PPARGC1A: variants seen among roughly 807,000 people sequenced by gnomAD.
PPARGC1A encodes the protein peroxisome proliferator-activated receptor gamma coactivator 1-alpha.
In PPARGC1A, 25 loss-of-function variants were observed where a neutral mutation model predicts 88.7. The observed-to-expected ratio is 0.28, with a 90% CI of 0.21 to 0.39. The LOEUF (loss-of-function observed/expected upper bound fraction) is 0.39. PPARGC1A is among the 10% of genes least tolerant of loss of function. PPARGC1A has a pLI of 1.00. For synonymous variants in PPARGC1A, 363 were observed against 355.6 expected, an observed-to-expected ratio of 1.02 and a Z score of -0.24; for missense variants, 880 against 968.7, an observed-to-expected ratio of 0.91 and a Z score of 1.22.
At chr4:24,435,030 G>A in the PPARGC1A span, among the ~76,000 whole-genome samples, 7 of 152,214 alleles carry the variant, frequency 4.6e-5, no homozygotes, top group Non-Finnish European at 8.8e-5. Flanking sequence ...AGGTGACACA[G>A]AAACGTCCCT....
At chr4:23,944,836 G>A in the PPARGC1A span, among the ~76,000 whole-genome samples, 1 of 152,270 alleles carries the variant, frequency 6.6e-6, no homozygotes, top group Admixed American at 6.5e-5. Flanking sequence ...TAAGTTTCCT[G>A]AGGTTTCCCC....
the PPARGC1A span, among the ~76,000 whole-genome samples, chr4:24,175,179 G>A: frequency 6.6e-6 from 1 of 152,048 alleles, no homozygotes; most frequent in Non-Finnish European, 1.5e-5. Context: ...TGGACCCCAA[G>A]GAGCTATTCT....
intron 1 of PPARGC1A, among the ~76,000 whole-genome samples, chr4:23,898,200 T>C (rs2148873364): frequency 6.6e-6 from 1 of 152,242 alleles, no homozygotes; most frequent in African/African-American, 2.4e-5. Context: ...TCATGTAGGG[T>C]GTGGAGGGAG....
the PPARGC1A span, among the ~76,000 whole-genome samples, chr4:24,217,807 A>AAAC: frequency 6.6e-6 from 1 of 152,176 alleles, no homozygotes; most frequent in Non-Finnish European, 1.5e-5. Flanking sequence ...CATCATGAAA[A>AAAC]AATAATAATA....
At chr4:24,252,725 C>T in the PPARGC1A span, among the ~76,000 whole-genome samples, 31 of 152,306 alleles carry the variant, frequency 2.0e-4, no homozygotes, top group African/African-American at 7.5e-4. Context: ...CCTCAGATTC[C>T]CTGGGCTTCC....
chr4:24,176,323 A>T, the PPARGC1A span, among the ~76,000 whole-genome samples: 1 of 152,162 alleles, frequency 6.6e-6, no homozygotes, highest in East Asian at 1.9e-4. Flanking sequence ...TCTTTTTGCA[A>T]CATATCTCAA....
the PPARGC1A span, among the ~76,000 whole-genome samples, chr4:24,390,643 C>A: frequency 6.6e-6 from 1 of 151,998 alleles, no homozygotes; most frequent in East Asian, 1.9e-4. Context: ...CACTGGGATA[C>A]TGTGTACGCT....
the PPARGC1A span, among the ~76,000 whole-genome samples, chr4:24,128,953 G>A: frequency 8.4e-4 from 128 of 152,320 alleles, 2 homozygotes; most frequent in East Asian, 0.023. Context: ...TCTCTGAGTA[G>A]GTGGGGAACC....
chr4:24,235,043 G>A, the PPARGC1A span, among the ~76,000 whole-genome samples: 1 of 152,158 alleles, frequency 6.6e-6, no homozygotes, highest in African/African-American at 2.4e-5. Context: ...GGCAAGGTAA[G>A]AGGACACCAG....
intron 2 of PPARGC1A, among the ~76,000 whole-genome samples, chr4:23,882,438 T>A (rs1716125919): frequency 6.6e-6 from 1 of 152,138 alleles, no homozygotes; most frequent in Admixed American, 6.5e-5. Context: ...GGCTGAATCA[T>A]TTTTTGTGGT....
chr4:24,265,060 TGACCACGGAAC>T, the PPARGC1A span, among the ~76,000 whole-genome samples: 1 of 152,222 alleles, frequency 6.6e-6, no homozygotes, highest in African/African-American at 2.4e-5. Flanking sequence ...CCAATGTATG[TGACCACGGAAC>T]CCTTTGGCAT....
At chr4:24,069,160 G>T in the PPARGC1A span, among the ~76,000 whole-genome samples, 1 of 152,182 alleles carries the variant, frequency 6.6e-6, no homozygotes, top group African/African-American at 2.4e-5. Flanking sequence ...GGCAAAGAAA[G>T]CTTCAGGGTC....
chr4:24,090,737 A>G, the PPARGC1A span, among the ~76,000 whole-genome samples: 2 of 152,258 alleles, frequency 1.3e-5, no homozygotes, highest in Non-Finnish European at 2.9e-5. Context: ...GTGGATGCGT[A>G]AAAATATGCA....
At chr4:24,352,417 G>A in the PPARGC1A span, among the ~76,000 whole-genome samples, 16 of 152,182 alleles carry the variant, frequency 1.1e-4, no homozygotes, top group Non-Finnish European at 2.4e-4. Context: ...GCACAATCCA[G>A]CTCCAAAGAG....
the PPARGC1A span, among the ~76,000 whole-genome samples, chr4:24,259,516 AT>A: frequency 6.6e-6 from 1 of 152,356 alleles, no homozygotes. Flanking sequence ...AGGTGGTCCC[AT>A]AACAATATAA....
chr4:24,285,438 G>A, the PPARGC1A span, among the ~76,000 whole-genome samples: 2 of 152,122 alleles, frequency 1.3e-5, no homozygotes, highest in Non-Finnish European at 1.5e-5. Context: ...AAAAAAACAG[G>A]TGGGGGAAAA....
chr4:24,278,903 G>C, the PPARGC1A span, among the ~76,000 whole-genome samples: 1 of 152,054 alleles, frequency 6.6e-6, no homozygotes, highest in Non-Finnish European at 1.5e-5. Flanking sequence ...TCTCCCCTAG[G>C]TCACTCTTAC....
chr4:23,845,603 T>C (rs912547277), intron 2 of PPARGC1A, among the ~76,000 whole-genome samples: 3 of 152,150 alleles, frequency 2.0e-5, no homozygotes, highest in Non-Finnish European at 1.5e-5. Flanking sequence ...TGCTCCATGT[T>C]AATCCTCTGA....
chr4:24,344,176 A>G, the PPARGC1A span, among the ~76,000 whole-genome samples: 1 of 151,888 alleles, frequency 6.6e-6, no homozygotes, highest in Non-Finnish European at 1.5e-5. Context: ...TCATTCTACA[A>G]TTTTGCAATT....
Sources: gnomAD v4.1 joint callset for allele counts (sites outside exome capture counted in the v4.1 genomes callset) on GRCh38, gnomAD v4.1.1 for gene constraint, MANE v1.5 for transcripts, NCBI Gene and HGNC (gene_info 2026-07-23, HGNC 2026-07-21) for gene names.